CYP27A1: variants seen among roughly 807,000 people sequenced by gnomAD.
CYP27A1 encodes sterol 26-hydroxylase, mitochondrial.
Under a neutral mutation model 58.2 loss-of-function variants are expected in CYP27A1, and 46 were observed. The ratio of observed to expected loss-of-function variants is 0.79; its 90% CI spans 0.62 to 1.01. The LOEUF (loss-of-function observed/expected upper bound fraction) is 1.01. Among genes scored for constraint, CYP27A1 ranks in the 50% least tolerant of loss-of-function variants. The pLI, the probability that CYP27A1 is intolerant of heterozygous loss-of-function variation, is 0.00. For synonymous variants in CYP27A1, 274 were observed against 285.1 expected (o/e 0.96, Z 0.39); for missense variants, 704 against 687.0 (o/e 1.02, Z -0.28).
intron 5 of CYP27A1, 31 bp downstream of exon 5, chr2:218,813,127 C>A (rs1169898764): frequency 2.5e-6 from 4 of 1,580,086 alleles, no homozygotes; most frequent in African/African-American, 1.4e-5. Flanking sequence ...AGACCAGGGG[C>A]CCCCAGCTCC....
chr2:218,812,972 A>G lies in CYP27A1; in HGVS notation c.893A>G (p.Gln298Arg). 1 of 1,614,212 alleles carries G rather than the reference A, an allele frequency of 6.2e-7. No individual in the cohort carries two copies. The highest frequency in any genetic ancestry group is 8.5e-7 in the Non-Finnish European group (1 of 1,180,000). Residue 298 changes from glutamine to arginine, a missense_variant, in exon 5 of 9, where the codon CAG (glutamine) becomes CGG (arginine). By Grantham distance (43) the Gln-to-Arg change is conservative. Transcript: ENST00000258415. ...EKLEDMEAQL[Q>R]AAGPDGIQVS... is the part of the protein sequence containing the mutation. ...CTCGAAGATATGGAGGCCCAACTGC[A>G]GGCAGCAGGGCCAGATGGCATCCAG...
chr2:218,791,626 A>G (rs1009590444), intron 1 of CYP27A1, among the ~76,000 whole-genome samples: 1 of 152,302 alleles, frequency 6.6e-6, no homozygotes, highest in South Asian at 2.1e-4. Flanking sequence ...TAATGGGTGT[A>G]CAGTTCCAAG....
chr2:218,803,722 CTTTTTTT>C (rs71040407), intron 1 of CYP27A1, among the ~76,000 whole-genome samples: 2 of 57,780 alleles, frequency 3.5e-5, no homozygotes, highest in Non-Finnish European at 6.0e-5. Context: ...GTGCCCCCGT[CTTTTTTT>C]TTTTTTTTTT....
intron 1 of CYP27A1, among the ~76,000 whole-genome samples, chr2:218,803,933 A>T (rs1159989052): frequency 6.7e-6 from 1 of 149,166 alleles, no homozygotes; most frequent in African/African-American, 2.5e-5. Context: ...GGGTTTCACC[A>T]TGTTGGCCAG....
At chr2:218,798,744 G>C (rs373276148) in intron 1 of CYP27A1, among the ~76,000 whole-genome samples, 3 of 152,164 alleles carry the variant, frequency 2.0e-5, no homozygotes, top group East Asian at 3.8e-4. Flanking sequence ...TTAGCTGGAC[G>C]TGGTGGCATA....
rs572521291 is a variant in CYP27A1, at chr2:218,805,327, T to A, written c.256-4250T>A. ...TGTTCTTTGCATTGTCTGCAACATG[T>A]TTCTTTCTGCTGGATTCATTGACAA... On this transcript the variant is annotated intron_variant, in intron 1 of 8. Coordinates refer to ENST00000258415, the MANE Select transcript of CYP27A1 (RefSeq NM_000784.4). Among the ~76,000 whole-genome samples the A allele has an allele frequency of 5.9e-5, 9 of 152,344 alleles. No individual in the cohort carries two copies. The East Asian group carries it at 1.4e-3, about 23-fold the overall frequency.
intron 2 of CYP27A1, 147 bp downstream of exon 2, chr2:218,809,914 G>A (rs982641346): frequency 2.6e-5 from 18 of 692,658 alleles, no homozygotes; most frequent in Admixed American, 1.5e-4. Context: ...TTGTTGGGAG[G>A]TGCTGAAGCC....
intron 1 of CYP27A1, among the ~76,000 whole-genome samples, chr2:218,809,247 A>G (rs754144277): frequency 6.6e-6 from 1 of 152,138 alleles, no homozygotes; most frequent in Non-Finnish European, 1.5e-5. Flanking sequence ...CTGGCCTCCA[A>G]CATACACCTC....
intron 1 of CYP27A1, among the ~76,000 whole-genome samples, chr2:218,807,356 T>G (rs922380981): frequency 6.6e-6 from 1 of 152,106 alleles, no homozygotes; most frequent in Admixed American, 6.6e-5. Context: ...CACAGGAAAA[T>G]GATATGGCTG....
At chr2:218,785,093 G>A (rs1220121601) in intron 1 of CYP27A1, among the ~76,000 whole-genome samples, 1 of 152,204 alleles carries the variant, frequency 6.6e-6, no homozygotes, top group African/African-American at 2.4e-5. Context: ...GGAGCCCTGA[G>A]CTTGTTTTCC....
intron 1 of CYP27A1, among the ~76,000 whole-genome samples, chr2:218,806,673 C>A (rs1037341073): frequency 6.6e-6 from 1 of 152,230 alleles, no homozygotes; most frequent in African/African-American, 2.4e-5. Context: ...GCATGGCCTC[C>A]AGCCAGGTGT....
intron 1 of CYP27A1, among the ~76,000 whole-genome samples, chr2:218,798,885 AAAACAAAC>A (rs71040405): frequency 3.8e-4 from 57 of 150,908 alleles, no homozygotes; most frequent in African/African-American, 7.3e-4. Context: ...TTGATCTCAA[AAAACAAAC>A]AAACAAACAA....
intron 1 of CYP27A1, among the ~76,000 whole-genome samples, chr2:218,799,034 C>T (rs1448617058): frequency 6.6e-6 from 1 of 152,176 alleles, no homozygotes; most frequent in African/African-American, 2.4e-5. Context: ...AATGAATCTG[C>T]CTCCAGGCCA....
At chr2:218,805,273 C>A (rs114834962) in intron 1 of CYP27A1, among the ~76,000 whole-genome samples, 6 of 152,194 alleles carry the variant, frequency 3.9e-5, no homozygotes, top group African/African-American at 1.4e-4. Flanking sequence ...TTCCCCACCC[C>A]CTTTCTATGT....
rs765660985 is a variant in CYP27A1, at chr2:218,814,615, A to G, written c.1334A>G (p.Gln445Arg). Reference protein sequence around the residue: ...PTAFSEPESFQPHRWLRNSQP... With the variant: ...PTAFSEPESFRPHRWLRNSQP... ...GCCTTCTCTGAGCCTGAAAGCTTCC[A>G]GCCCCACCGCTGGCTGAGAAACAGC... The change falls in exon 8 of 9, where the codon CAG (glutamine) becomes CGG (arginine). Residue 445 changes from glutamine to arginine, a missense_variant. Transcript: ENST00000258415. 5.6e-6 allele frequency: 9 copies of G among 1,614,076 alleles called. No individual in the cohort carries two copies. Among genetic ancestry groups the G allele is most frequent in the Non-Finnish European group, 6.8e-6 (8 of 1,180,044 alleles).
rs919673724 is a variant in CYP27A1, at chr2:218,815,063, G to A, written c.*33G>A. The A allele has an allele frequency of 1.2e-6, 2 of 1,613,856 alleles. No homozygotes were observed. Among genetic ancestry groups the A allele is most frequent in the Non-Finnish European group, 1.7e-6 (2 of 1,179,892 alleles). Reference sequence around the variant, plus strand: ...CTCCGCCTTGCTGGGGCTTGTCCTAGAGGCTCCAGCTCTGGCACAGTGGTT... The same window carrying A: ...CTCCGCCTTGCTGGGGCTTGTCCTAAAGGCTCCAGCTCTGGCACAGTGGTT... On this transcript the variant is annotated 3_prime_UTR_variant, in exon 9 of 9. Transcript: ENST00000258415.
chr2:218,788,196 C>G (rs750417828), intron 1 of CYP27A1, among the ~76,000 whole-genome samples: 3 of 152,226 alleles, frequency 2.0e-5, no homozygotes, highest in Non-Finnish European at 4.4e-5. Context: ...TTTCTAGTTG[C>G]ATGTTTTGTG....
chr2:218,793,482 T>G (rs1943516251), intron 1 of CYP27A1, among the ~76,000 whole-genome samples: 1 of 152,182 alleles, frequency 6.6e-6, no homozygotes, highest in African/African-American at 2.4e-5. Flanking sequence ...TCTTCTTTCC[T>G]CTCTCTTTTT....
intron 1 of CYP27A1, among the ~76,000 whole-genome samples, chr2:218,800,079 A>G (rs1031047953): frequency 3.9e-5 from 6 of 152,192 alleles, no homozygotes; most frequent in African/African-American, 1.4e-4. Flanking sequence ...AACTCCTGCT[A>G]GACCGCAGCC....
Sources: allele counts gnomAD v4.1 joint callset (sites outside exome capture counted in the v4.1 genomes callset), GRCh38; gene constraint gnomAD v4.1.1; transcripts MANE v1.5; gene names NCBI Gene and HGNC (gene_info 2026-07-23, HGNC 2026-07-21).